RPA3: variants seen among roughly 807,000 people sequenced by gnomAD.
RPA3 encodes the protein replication protein A3, also known as replication protein A 14 kDa subunit.
In RPA3, 24 loss-of-function variants were observed where a neutral mutation model predicts 13.7. That is an observed-to-expected ratio of 1.75 (90% CI 1.27 to 2.46). RPA3 has a LOEUF of 2.46. Among genes scored for constraint, RPA3 ranks in the 30% most tolerant of loss-of-function variants. The pLI, the probability that RPA3 is intolerant of heterozygous loss-of-function variation, is 0.00. For missense variants in RPA3, 183 were observed against 151.0 expected (o/e 1.21, Z -1.11); for synonymous variants, 59 against 51.2 (o/e 1.15, Z -0.65).
At chr7:7,642,469 ATTTT>A (rs10595305) in intron 4 of RPA3, among the ~76,000 whole-genome samples, 1 of 150,032 alleles carries the variant, frequency 6.7e-6, no homozygotes, top group Admixed American at 6.6e-5. Context: ...TGTAATAGTG[ATTTT>A]TTTTTTTTTT....
rs28914168 is a variant in RPA3 at position 7,694,674 on chromosome 7, A to G, written c.-1027-7346T>C. ...CTCTGCCTGACTTATTTCACTTAAC[A>G]TAATATCTTTTTTCCATCTATGTTG... On this transcript the variant is annotated intron_variant, in intron 2 of 7. Coordinates refer to ENST00000223129, the MANE Select transcript of RPA3 (RefSeq NM_002947.5). Among the ~76,000 whole-genome samples the G allele has an allele frequency of 2.3e-3, 353 of 152,264 alleles. 9 individuals are homozygous for G. In the East Asian group the frequency reaches 0.063, roughly 27 times the overall value.
chr7:7,662,051 G>T (rs953876262), intron 4 of RPA3, among the ~76,000 whole-genome samples: 1 of 152,182 alleles, frequency 6.6e-6, no homozygotes, highest in Non-Finnish European at 1.5e-5. Context: ...CAGCGGCTTT[G>T]CTGAGCTGTG....
At chr7:7,638,900 A>C (rs1225245952) in intron 6 of RPA3, 170 bp downstream of exon 6, 3 of 430,550 alleles carry the variant, frequency 7.0e-6, no homozygotes, top group Non-Finnish European at 1.2e-5. Flanking sequence ...AAAAATGTAA[A>C]AGGAAATATA....
intron 4 of RPA3, among the ~76,000 whole-genome samples, chr7:7,682,112 A>C (rs532124799): frequency 2.0e-5 from 3 of 152,186 alleles, no homozygotes; most frequent in Non-Finnish European, 4.4e-5. Context: ...GGGTTACAGT[A>C]CAAGGGAAAT....
At chr7:7,706,708 C>G (rs534800380) in intron 2 of RPA3, among the ~76,000 whole-genome samples, 1 of 152,224 alleles carries the variant, frequency 6.6e-6, no homozygotes, top group African/African-American at 2.4e-5. Context: ...AACAAAGTGT[C>G]GATGAGGTTG....
At chr7:7,677,893 T>C (rs1450184496) in intron 4 of RPA3, among the ~76,000 whole-genome samples, 1 of 151,576 alleles carries the variant, frequency 6.6e-6, no homozygotes, top group African/African-American at 2.4e-5. Context: ...CGGGATGGTC[T>C]CGATCTCCTG....
At chr7:7,651,046 C>T (rs948470444) in intron 4 of RPA3, among the ~76,000 whole-genome samples, 1 of 152,032 alleles carries the variant, frequency 6.6e-6, no homozygotes, top group African/African-American at 2.4e-5. Flanking sequence ...CCCTCTGTAG[C>T]CAAAGAGAAA....
At chr7:7,676,966 T>G (rs1779757199) in intron 4 of RPA3, among the ~76,000 whole-genome samples, 2 of 152,170 alleles carry the variant, frequency 1.3e-5, no homozygotes, top group African/African-American at 4.8e-5. Flanking sequence ...ATATATAATA[T>G]CTACTTTAGT....
chr7:7,649,517 C>G (rs866788386), intron 4 of RPA3, among the ~76,000 whole-genome samples: 1 of 152,180 alleles, frequency 6.6e-6, no homozygotes, highest in Admixed American at 6.5e-5. Flanking sequence ...CATATTCAAA[C>G]CACAGCAGGA....
chr7:7,700,726 A>G (rs1280586268), intron 2 of RPA3, among the ~76,000 whole-genome samples: 1 of 152,166 alleles, frequency 6.6e-6, no homozygotes, highest in East Asian at 1.9e-4. Context: ...TGTCTCTACT[A>G]AAAATATAAA....
At chr7:7,686,697 C>T (rs1440314758) in intron 3 of RPA3, among the ~76,000 whole-genome samples, 2 of 152,164 alleles carry the variant, frequency 1.3e-5, no homozygotes, top group Non-Finnish European at 2.9e-5. Flanking sequence ...TTTAGCTTCA[C>T]TGTGATATGG....
Position 7,709,830 on chromosome 7 carries a change from A to AC in RPA3, c.-1028+5344dup, listed in dbSNP as rs1449968698. ...CATATTCAGAATGACAATGTGATGAACACCTGTGTACCCACCAATTGGTTT... is the reference window on the plus strand; with the variant it reads ...CATATTCAGAATGACAATGTGATGAACCACCTGTGTACCCACCAATTGGTTT... On this transcript the variant is annotated intron_variant, in intron 2 of 7. Coordinates refer to ENST00000223129, the MANE Select transcript of RPA3 (RefSeq NM_002947.5). Among the ~76,000 whole-genome samples, 10 of 152,244 alleles carry AC rather than the reference A, an allele frequency of 6.6e-5. 1 individual carries two copies. The highest frequency in any genetic ancestry group is 2.4e-4 in the African/African-American group (10 of 41,550).
At chr7:7,662,246 T>A (rs1010092848) in intron 4 of RPA3, among the ~76,000 whole-genome samples, 1 of 152,148 alleles carries the variant, frequency 6.6e-6, no homozygotes, top group African/African-American at 2.4e-5. Context: ...CTTGCTGAGC[T>A]CCATGGGGTT....
intron 4 of RPA3, among the ~76,000 whole-genome samples, chr7:7,683,960 T>C (rs1779977945): frequency 6.6e-6 from 1 of 152,214 alleles, no homozygotes; most frequent in South Asian, 2.1e-4. Context: ...AGTTTTCCCT[T>C]GGTATCTGTG....
Position 7,674,129 on chromosome 7 carries a change from C to T in RPA3, c.-758+11701G>A, listed in dbSNP as rs982224515. Among the ~76,000 whole-genome samples, 4 of 152,130 alleles carry T rather than the reference C, an allele frequency of 2.6e-5. No homozygotes were observed. In the South Asian group the frequency reaches 6.2e-4, roughly 24 times the overall value. On this transcript the variant is annotated intron_variant, in intron 4 of 7. Transcript: ENST00000223129. ...AAGTATGGTGTGGGGTAGTCAAACC[C>T]AGTGTTTCCTTGTGGTTCTCATCCT...
rs747949392 is a variant in RPA3 at position 7,640,469 on chromosome 7, T to G, written c.-51A>C. The G allele has an allele frequency of 1.0e-5, 16 of 1,531,658 alleles. No individual in the cohort carries two copies. In the African/African-American group the frequency reaches 3.3e-4, roughly 32 times the overall value. 94.9% of individuals were successfully genotyped at this position (1,531,658 alleles called of 1,614,324 possible). A position where few individuals can be genotyped will look rare whatever the true frequency, so the allele number is the denominator to read the frequency against. The stretch of plus-strand genomic sequence containing the variant: ...CGGGAAACCCACGGACGACTGAAAC[T>G]GTGCGCCCCGCGGGTGTCTATGGGG... On this transcript the variant is annotated 5_prime_UTR_variant, in exon 5 of 8. Coordinates refer to ENST00000223129, the MANE Select transcript of RPA3 (RefSeq NM_002947.5).
At chr7:7,698,627 A>G (rs1400531627) in intron 2 of RPA3, among the ~76,000 whole-genome samples, 1 of 152,158 alleles carries the variant, frequency 6.6e-6, no homozygotes, top group Non-Finnish European at 1.5e-5. Context: ...TTGACTATCA[A>G]GTAACCCAGT....
intron 4 of RPA3, among the ~76,000 whole-genome samples, chr7:7,674,964 C>G (rs538341991): frequency 2.0e-5 from 3 of 152,020 alleles, no homozygotes; most frequent in Non-Finnish European, 2.9e-5. Flanking sequence ...AGTCTTAACA[C>G]ATATACAGGG....
chr7:7,676,272 C>G, intron 4 of RPA3: 1 of 397,772 alleles, frequency 2.5e-6, no homozygotes, highest in African/African-American at 2.1e-5. Context: ...CGGTACCTAC[C>G]CCATGAAGTT....
Sources: gnomAD v4.1 joint callset for allele counts (sites outside exome capture counted in the v4.1 genomes callset) on GRCh38, gnomAD v4.1.1 for gene constraint, MANE v1.5 for transcripts, NCBI Gene and HGNC (gene_info 2026-07-23, HGNC 2026-07-21) for gene names.